The following MED23 variants were observed in gnomAD, a reference collection of about 807,000 sequenced individuals.
MED23 encodes mediator complex subunit 23.
A neutral mutation model predicts 163.9 loss-of-function variants in MED23; 105 were observed. The observed-to-expected ratio is 0.64, with a 90% CI of 0.55 to 0.75. The LOEUF (loss-of-function observed/expected upper bound fraction) is 0.75. Among genes scored for constraint, MED23 ranks in the 30% least tolerant of loss-of-function variants. The probability of loss-of-function intolerance (pLI) is 0.00; values close to 1 mark genes in which losing one functional copy is unlikely to be tolerated. For missense variants in MED23, 1,054 were observed against 1,649.0 expected (o/e 0.64, Z 6.25); for synonymous variants, 561 against 565.6 (o/e 0.99, Z 0.12).
intron 28 of MED23, 135 bp downstream of exon 28, chr6:131,589,330 A>AT: frequency 1.3e-6 from 1 of 765,520 alleles, no homozygotes. Context: ...AAAAGGTCTC[A>AT]TACCCACCCT....
rs1020684490 is a variant in MED23, at chr6:131,586,889, G to C, written c.*790C>G. The C allele has an allele frequency of 2.1e-6, 3 of 1,450,742 alleles. No individual in the cohort carries two copies. Among genetic ancestry groups the C allele is most frequent in the Non-Finnish European group, 2.8e-6 (3 of 1,072,072 alleles). 89.9% of individuals were successfully genotyped at this position (1,450,742 alleles called of 1,614,324 possible). A position where few individuals can be genotyped will look rare whatever the true frequency, so the allele number is the denominator to read the frequency against. On this transcript the variant is annotated 3_prime_UTR_variant, in exon 29 of 29. Coordinates refer to ENST00000368068, the MANE Select transcript of MED23 (RefSeq NM_004830.4). ...CAAATATAAAATTTAAAAATTTTAA[G>C]ATTATAAAAATTGAAGAATTACATC...
Position 131,610,244 on chromosome 6 carries a change from G to A in MED23, c.879C>T (p.His293=). The A allele has an allele frequency of 1.9e-6, 3 of 1,613,678 alleles. No homozygotes were observed. Among genetic ancestry groups the A allele is most frequent in the Non-Finnish European group, 2.5e-6 (3 of 1,179,782 alleles). Reference sequence around the variant, plus strand: ...CCTCCAGCACAGGGCAGCGCTGCTTGTGCTGTAGGGCAGAGATTAAATACA... The same window carrying A: ...CCTCCAGCACAGGGCAGCGCTGCTTATGCTGTAGGGCAGAGATTAAATACA... ...VCNMLGLNKQ[H]KQRCPVLEDQ... Residue 293 remains histidine (H), a splice_region_variant and synonymous_variant, in exon 11 of 29, where the codon CAC becomes CAT. Coordinates refer to ENST00000368068, the MANE Select transcript of MED23 (RefSeq NM_004830.4).
intron 28 of MED23, 67 bp downstream of exon 28, chr6:131,589,398 C>T: frequency 6.8e-7 from 1 of 1,461,068 alleles, no homozygotes; most frequent in Non-Finnish European, 9.4e-7. Flanking sequence ...CCAAAAAAGT[C>T]TATTACTATA....
chr6:131,625,385 G>C (rs10484767), intron 3 of MED23, among the ~76,000 whole-genome samples: 7,903 of 152,156 alleles, frequency 0.052, 719 homozygotes, highest in African/African-American at 0.18. Flanking sequence ...TATGTATCAG[G>C]CTTAGGAGAA....
At chr6:131,582,334 CA>C (rs1773967859), downstream of MED23, among the ~76,000 whole-genome samples, 1 of 152,064 alleles carries the variant, frequency 6.6e-6, no homozygotes, top group South Asian at 2.1e-4. Flanking sequence ...AGGAAGCTAC[CA>C]AAGTAATGGG....
intron 10 of MED23, among the ~76,000 whole-genome samples, chr6:131,612,617 T>C (rs1776361808): frequency 6.6e-6 from 1 of 152,140 alleles, no homozygotes; most frequent in South Asian, 2.1e-4. Context: ...GTGTACATCA[T>C]AACTATATGC....
At chr6:131,588,101 T>C (rs1774311844) in intron 28 of MED23, among the ~76,000 whole-genome samples, 1 of 152,228 alleles carries the variant, frequency 6.6e-6, no homozygotes. Context: ...ACCATATGTA[T>C]ATTCATATAT....
At chr6:131,597,919 C>G (rs535518056) in intron 20 of MED23, among the ~76,000 whole-genome samples, 2 of 152,034 alleles carry the variant, frequency 1.3e-5, no homozygotes, top group East Asian at 1.9e-4. Flanking sequence ...AACCCCATCT[C>G]TATAAAAAAG....
exon 31 of MED23, chr6:131,574,221 C>T (rs1358848509): frequency 1.7e-5 from 27 of 1,576,394 alleles, no homozygotes; most frequent in Non-Finnish European, 2.3e-5. Context: ...TTGATTTTCT[C>T]CAGGTTTCTC....
intron 30 of MED23, among the ~76,000 whole-genome samples, chr6:131,575,001 G>A (rs1280810703): frequency 1.3e-5 from 2 of 152,118 alleles, no homozygotes; most frequent in Admixed American, 1.3e-4. Context: ...TATACTTGTG[G>A]CCATTTAGGG....
downstream of MED23, among the ~76,000 whole-genome samples, chr6:131,585,342 T>C (rs1774140855): frequency 6.6e-6 from 1 of 152,228 alleles, no homozygotes; most frequent in African/African-American, 2.4e-5. Flanking sequence ...AATGGATTTC[T>C]CCTGTGTTTT....
chr6:131,578,245 T>C (rs1186777170), intron 30 of MED23, among the ~76,000 whole-genome samples: 1 of 150,862 alleles, frequency 6.6e-6, no homozygotes, highest in Non-Finnish European at 1.5e-5. Context: ...GCTTGGGTAA[T>C]GGACTTGTCC....
In MED23 at chr6:131,624,893, C is replaced by T. The variant is rs1288032279; in HGVS notation, c.256G>A (p.Ala86Thr). ...GGTGGAAGGAGACCAGTCTCAACTG[C>T]CATTGCTAAGCAGTCATAAAGAAAA... ...ISFLYDCLAMAVETGLLPPRL... is the reference protein window; with the variant it reads ...ISFLYDCLAMTVETGLLPPRL... The change falls in exon 4 of 29, where the codon GCA (alanine) becomes ACA (threonine). Residue 86 changes from alanine (A) to threonine (T), a missense_variant. Around this residue, in one of 11 missense-constraint regions of MED23, gnomAD observed 227 missense variants for 235.5 expected, o/e 0.96. Coordinates refer to ENST00000368068, the MANE Select transcript of MED23 (RefSeq NM_004830.4). 2.5e-6 allele frequency: 4 copies of T among 1,613,788 alleles called. No individual in the cohort carries two copies. The East Asian group carries it at 6.7e-5, about 27-fold the overall frequency.
Position 131,610,154 on chromosome 6 carries a change from A to G in MED23, c.969T>C (p.Asp323=), listed in dbSNP as rs780861545. 3 of 1,614,018 alleles carry G rather than the reference A, an allele frequency of 1.9e-6. No homozygotes were observed. Among genetic ancestry groups the G allele is most frequent in the Non-Finnish European group, 1.7e-6 (2 of 1,179,942 alleles). ...GCCACAGGAGTTGGCTTGTTCCCCC[A>G]TCGTCAAACTTCTCCTCGGTCTCAG... The part of the protein sequence containing the change: ...ERSETEEKFD[D]GGTSQLLWQH... Residue 323 remains aspartate (D), a synonymous_variant, in exon 11 of 29, where the codon GAT becomes GAC. Coordinates refer to ENST00000368068, the MANE Select transcript of MED23 (RefSeq NM_004830.4).
chr6:131,586,730 A>T, downstream of MED23: 1 of 1,433,956 alleles, frequency 7.0e-7, no homozygotes, highest in Non-Finnish European at 9.3e-7. Context: ...ATTCCAATGG[A>T]GTCGGGAAAC....
At chr6:131,596,792 T>C (rs1368566266) in intron 20 of MED23, 104 bp from the exon 21 acceptor site, 3 of 1,115,436 alleles carry the variant, frequency 2.7e-6, no homozygotes, top group African/African-American at 1.6e-5. Context: ...CTCACTATTA[T>C]AATTTCCTTA....
At chr6:131,580,284 C>A (rs942992343) in intron 30 of MED23, among the ~76,000 whole-genome samples, 4 of 152,100 alleles carry the variant, frequency 2.6e-5, no homozygotes, top group Non-Finnish European at 5.9e-5. Flanking sequence ...GGCTCGCTTT[C>A]TTTGTTAAGT....
chr6:131,611,439 TTCAA>T (rs1776268830), intron 10 of MED23, among the ~76,000 whole-genome samples: 1 of 152,102 alleles, frequency 6.6e-6, no homozygotes, highest in Admixed American at 6.6e-5. Flanking sequence ...ATGACCACAG[TTCAA>T]TCACATTACA....
chr6:131,620,541 T>G (rs948565655), intron 7 of MED23, 87 bp downstream of exon 7: 26 of 850,668 alleles, frequency 3.1e-5, no homozygotes, highest in Non-Finnish European at 5.0e-5. Context: ...CCTCAAATCA[T>G]CTTCCCACCT....
Sources: gnomAD v4.1 joint callset for allele counts (sites outside exome capture counted in the v4.1 genomes callset) on GRCh38, gnomAD v4.1.1 for gene constraint, gnomAD v4.1.1 regional missense constraint, MANE v1.5 for transcripts, NCBI Gene and HGNC (gene_info 2026-07-23, HGNC 2026-07-21) for gene names.